Variants in SRPK1 observed in about 807,000 individuals in gnomAD.
SRPK1 encodes SRSF protein kinase 1.
In SRPK1, 52 loss-of-function variants were observed where a neutral mutation model predicts 89.5. The observed-to-expected ratio is 0.58, with a 90% CI of 0.46 to 0.73. The LOEUF (loss-of-function observed/expected upper bound fraction) is 0.73, where lower values mean the gene tolerates loss of function less well. SRPK1 is among the 30% of genes least tolerant of loss of function. The pLI is 0.00. For synonymous variants in SRPK1, 255 were observed against 270.2 expected (o/e 0.94, Z 0.55); for missense variants, 603 against 780.6 (o/e 0.77, Z 2.71).
chr6:35,886,395 A>G (rs1230741312), intron 6 of SRPK1, among the ~76,000 whole-genome samples: 2 of 152,156 alleles, frequency 1.3e-5, no homozygotes, highest in Admixed American at 6.5e-5. Context: ...AGTATTTTTC[A>G]TAAGAAATTA....
intron 12 of SRPK1, among the ~76,000 whole-genome samples, chr6:35,860,634 A>C (rs1051735660): frequency 2.0e-5 from 3 of 152,354 alleles, no homozygotes; most frequent in Non-Finnish European, 4.4e-5. Flanking sequence ...TGTTCTAAGT[A>C]CTAAATATAG....
chr6:35,906,082 ACT>A (rs140988535), intron 2 of SRPK1, among the ~76,000 whole-genome samples: 2,417 of 152,238 alleles, frequency 0.016, 24 homozygotes, highest in Middle Eastern at 0.037. Context: ...CCTTAGACAT[ACT>A]GTCACACCAG....
At chr6:35,856,006 C>CACGA (rs2151083876) in intron 13 of SRPK1, among the ~76,000 whole-genome samples, 1 of 151,204 alleles carries the variant, frequency 6.6e-6, no homozygotes, top group African/African-American at 2.4e-5. Context: ...GGATTACAGG[C>CACGA]ACGAGCCACC....
chr6:35,840,223 C>T (rs771453070), intron 14 of SRPK1, among the ~76,000 whole-genome samples: 48 of 152,166 alleles, frequency 3.2e-4, no homozygotes, highest in African/African-American at 8.9e-4. Flanking sequence ...ATGCTAGAGA[C>T]GTCCATATTA....
chr6:35,848,994 A>G (rs1769480774), intron 13 of SRPK1, among the ~76,000 whole-genome samples: 1 of 152,222 alleles, frequency 6.6e-6, no homozygotes, highest in African/African-American at 2.4e-5. Flanking sequence ...GACAAATGGG[A>G]TAACATCAAA....
intron 2 of SRPK1, among the ~76,000 whole-genome samples, chr6:35,909,989 CTTTTT>C (rs537840728): frequency 6.8e-6 from 1 of 146,910 alleles, no homozygotes; most frequent in African/African-American, 2.5e-5. Flanking sequence ...TCATTTCTTT[CTTTTT>C]TTTTTTAAGA....
At chr6:35,885,260 AACACACACACAC>A (rs71540130) in intron 6 of SRPK1, among the ~76,000 whole-genome samples, 12 of 111,864 alleles carry the variant, frequency 1.1e-4, no homozygotes, top group South Asian at 3.4e-4. Flanking sequence ...TAATTCTTTG[AACACACACACAC>A]ACACACACAC....
At chr6:35,908,047 T>C (rs568495856) in intron 2 of SRPK1, among the ~76,000 whole-genome samples, 1 of 152,352 alleles carries the variant, frequency 6.6e-6, no homozygotes, top group African/African-American at 2.4e-5. Flanking sequence ...GAGCCCTCGT[T>C]ATGCTTCCTG....
chr6:35,897,688 A>T (rs910829360), intron 2 of SRPK1, among the ~76,000 whole-genome samples: 1 of 151,962 alleles, frequency 6.6e-6, no homozygotes, highest in East Asian at 1.9e-4. Context: ...AATTTTTAAA[A>T]TTTTTTAGAG....
intron 2 of SRPK1, among the ~76,000 whole-genome samples, chr6:35,916,258 T>A (rs1017091471): frequency 2.0e-4 from 30 of 148,620 alleles, no homozygotes; most frequent in African/African-American, 6.1e-4. Flanking sequence ...ATTAATTAAT[T>A]AATTAAATTA....
chr6:35,870,172 A>G (rs1176695163), intron 10 of SRPK1, 109 bp downstream of exon 10: 1 of 975,466 alleles, frequency 1.0e-6, no homozygotes, highest in African/African-American at 1.7e-5. Flanking sequence ...ATTCTTATAA[A>G]GATACCCCCA....
intron 6 of SRPK1, among the ~76,000 whole-genome samples, chr6:35,885,298 C>G (rs201059425): frequency 0.019 from 2,093 of 113,004 alleles, 22 homozygotes; most frequent in East Asian, 0.054. Context: ...CACACACACA[C>G]AGAGAGAGAG....
intron 2 of SRPK1, among the ~76,000 whole-genome samples, chr6:35,900,054 G>C (rs930334950): frequency 6.6e-6 from 1 of 151,788 alleles, no homozygotes; most frequent in South Asian, 2.1e-4. Context: ...GATTCCTTTG[G>C]TAAGGTTTGT....
At position 35,844,968 on chromosome 6, in the gene SRPK1, G is replaced by A. The variant is rs781386783; in HGVS notation, c.1621-2364C>T. Among the ~76,000 whole-genome samples the A allele has an allele frequency of 1.8e-4, 27 of 152,162 alleles. 1 individual carries two copies. Among genetic ancestry groups the A allele is most frequent in the Non-Finnish European group, 3.1e-4 (21 of 68,036 alleles). The stretch of plus-strand genomic sequence containing the variant: ...AGGCTAGAAAATGAAATACTCTTCA[G>A]TGCTAAAAAGAAATGAGCTATTAAG... On this transcript the variant is annotated intron_variant, in intron 13 of 15. Coordinates refer to ENST00000373825, the MANE Select transcript of SRPK1 (RefSeq NM_003137.5).
intron 2 of SRPK1, among the ~76,000 whole-genome samples, chr6:35,895,220 G>A (rs961525595): frequency 2.0e-5 from 3 of 152,236 alleles, no homozygotes; most frequent in African/African-American, 7.2e-5. Context: ...CATAAATGCA[G>A]ATTATTGATT....
chr6:35,861,332 G>A (rs963714772), intron 12 of SRPK1, among the ~76,000 whole-genome samples: 4 of 152,224 alleles, frequency 2.6e-5, no homozygotes, highest in Non-Finnish European at 4.4e-5. Flanking sequence ...GGCCTGACAT[G>A]CAGAACTGCC....
chr6:35,849,047 G>A (rs897927168), intron 13 of SRPK1, among the ~76,000 whole-genome samples: 3 of 152,130 alleles, frequency 2.0e-5, no homozygotes, highest in African/African-American at 7.2e-5. Flanking sequence ...AGTGTGAAGA[G>A]ATAACCTATG....
chr6:35,872,295 AC>A (rs1449395495), intron 8 of SRPK1, among the ~76,000 whole-genome samples: 1 of 152,244 alleles, frequency 6.6e-6, no homozygotes, highest in Non-Finnish European at 1.5e-5. Flanking sequence ...TTAGAGGTAA[AC>A]ACTTCAAAAA....
At chr6:35,920,411 G>A in intron 2 of SRPK1, 57 bp downstream of exon 2, 2 of 1,589,594 alleles carry the variant, frequency 1.3e-6, no homozygotes, top group Non-Finnish European at 1.7e-6. Context: ...TGAAACCAGA[G>A]CAGAGAAGGT....
Sources: gnomAD v4.1 joint callset for allele counts (sites outside exome capture counted in the v4.1 genomes callset) on GRCh38, gnomAD v4.1.1 for gene constraint, MANE v1.5 for transcripts, NCBI Gene and HGNC (gene_info 2026-07-23, HGNC 2026-07-21) for gene names.